The following CDH23 variants were observed in gnomAD, a reference collection of about 807,000 sequenced individuals.
The protein encoded by CDH23 is cadherin related 23, also known as cadherin-23.
CDH23 carries 189 observed loss-of-function variants against 317.1 expected under a neutral mutation model. The observed-to-expected ratio is 0.60, with a 90% CI of 0.53 to 0.67. The LOEUF (loss-of-function observed/expected upper bound fraction) is 0.67, where lower values mean the gene tolerates loss of function less well. Among genes scored for constraint, CDH23 ranks in the 30% least tolerant of loss-of-function variants. The probability of loss-of-function intolerance (pLI) is 0.00; values close to 1 mark genes in which losing one functional copy is unlikely to be tolerated. For missense variants in CDH23, 4,401 were observed against 4,592.4 expected (o/e 0.96, Z 1.20); for synonymous variants, 1,839 against 1,876.8 (o/e 0.98, Z 0.52).
intron 41 of CDH23, among the ~76,000 whole-genome samples, chr10:71,780,327 A>G (rs970880821): frequency 6.6e-6 from 1 of 152,216 alleles, no homozygotes; most frequent in African/African-American, 2.4e-5. Flanking sequence ...ATGACTTAGT[A>G]TACTGGGAGG....
chr10:71,811,971 C>G lies in CDH23; in HGVS notation c.9336C>G (p.Ile3112Met), dbSNP rs1841945407. 1 of 1,596,482 alleles carries G rather than the reference C, an allele frequency of 6.3e-7. No homozygotes were observed. Among genetic ancestry groups the G allele is most frequent in the Non-Finnish European group, 8.6e-7 (1 of 1,169,556 alleles). Residue 3112 changes from isoleucine (I) to methionine (M), a missense_variant, in exon 66 of 70, where the codon ATC (isoleucine) becomes ATG (methionine). Coordinates refer to ENST00000224721, the MANE Select transcript of CDH23 (RefSeq NM_022124.6). ...TCCCTGCAGGGAATCGTGGCTTCAT[C>G]GACATCATGGACATGCCTAACACCA... Reference protein sequence around the residue: ...VAGSAGNRGFIDIMDMPNTNK... With the variant: ...VAGSAGNRGFMDIMDMPNTNK...
intron 38 of CDH23, among the ~76,000 whole-genome samples, chr10:71,774,244 T>A (rs144885887): frequency 3.1e-5 from 1 of 31,866 alleles, no homozygotes; most frequent in Non-Finnish European, 5.3e-5. Flanking sequence ...GCACCCGCCC[T>A]CCCTCCCTGG....
rs750395738 is a variant in CDH23 at position 71,485,108 on chromosome 10, C to A, written c.146-24974C>A. ...GTGGTGCGATCTCGGCTTACGGCAA[C>A]CTCCGCCTCCCAGGTTCAAGTGATT... On this transcript the variant is annotated intron_variant, in intron 3 of 69. Coordinates refer to ENST00000224721, the MANE Select transcript of CDH23 (RefSeq NM_022124.6). 9.0e-4 allele frequency among the ~76,000 whole-genome samples: 136 copies of A among 150,616 alleles called. 1 individual carries two copies. Among genetic ancestry groups the A allele is most frequent in the Admixed American group, 2.5e-3 (37 of 15,096 alleles).
intron 3 of CDH23, among the ~76,000 whole-genome samples, chr10:71,491,876 G>A (rs899033378): frequency 1.3e-5 from 2 of 152,158 alleles, no homozygotes; most frequent in Non-Finnish European, 1.5e-5. Context: ...GACGTTCTGC[G>A]ATTCCCACTG....
intron 3 of CDH23, among the ~76,000 whole-genome samples, chr10:71,450,352 A>G (rs930790809): frequency 7.5e-6 from 1 of 133,022 alleles, no homozygotes; most frequent in Non-Finnish European, 1.6e-5. Context: ...TGCAGCCTCC[A>G]CCTCCCGGGT....
At chr10:71,541,189 G>A (rs939621233) in intron 6 of CDH23, among the ~76,000 whole-genome samples, 8 of 152,088 alleles carry the variant, frequency 5.3e-5, no homozygotes, top group Admixed American at 2.0e-4. Flanking sequence ...CCTCTGGGGC[G>A]GTATTGATTC....
intron 8 of CDH23, among the ~76,000 whole-genome samples, chr10:71,574,605 A>C (rs1249256218): frequency 1.3e-5 from 2 of 152,094 alleles, no homozygotes; most frequent in Non-Finnish European, 2.9e-5. Context: ...CCGTCATGGA[A>C]ATGGGGTAGG....
chr10:71,718,928 A>T (rs1189909885), intron 28 of CDH23, among the ~76,000 whole-genome samples: 3 of 152,000 alleles, frequency 2.0e-5, no homozygotes, highest in African/African-American at 7.3e-5. Context: ...AGGTTTTTTA[A>T]TTAGCCAGGT....
Position 71,810,475 on chromosome 10 carries a change from C to T in CDH23, c.8983C>T (p.His2995Tyr). Residue 2995 changes from histidine to tyrosine, a missense_variant, in exon 62 of 70, where the codon CAT becomes TAT. Coordinates refer to ENST00000224721, the MANE Select transcript of CDH23 (RefSeq NM_022124.6). ...TACAATACCCCTTCTCATCTAGTTC[C>T]ATGTGGACAAGAAGGGCCGGGTGAA... Reference protein sequence around the residue: ...AIVNTDNVQFHVDKKGRVNFA... With the variant: ...AIVNTDNVQFYVDKKGRVNFA... 6.2e-7 allele frequency: 1 copy of T among 1,613,930 alleles called. No individual in the cohort carries two copies. Among genetic ancestry groups the T allele is most frequent in the Non-Finnish European group, 8.5e-7 (1 of 1,179,802 alleles).
chr10:71,800,818 G>A, intron 53 of CDH23, 63 bp downstream of exon 53: 2 of 1,586,692 alleles, frequency 1.3e-6, no homozygotes, highest in Non-Finnish European at 1.7e-6. Context: ...AACAAGCAAA[G>A]CCTCTAGCAA....
At chr10:71,518,074 T>C (rs1688425442) in intron 6 of CDH23, among the ~76,000 whole-genome samples, 1 of 151,106 alleles carries the variant, frequency 6.6e-6, no homozygotes, top group South Asian at 2.1e-4. Context: ...TGTGTGTATG[T>C]GTGTGTGTGT....
rs993209138 is a variant in CDH23, at chr10:71,806,110, T to C, written c.8065-58T>C. ...CCTAGGGGAACTGGCCACCGGGAAGTCCCCAAGCCAATCCCCTCTCCCAGT... is the reference window on the plus strand; with the variant it reads ...CCTAGGGGAACTGGCCACCGGGAAGCCCCCAAGCCAATCCCCTCTCCCAGT... On this transcript the variant is annotated intron_variant, in intron 56 of 69. Coordinates refer to ENST00000224721, the MANE Select transcript of CDH23 (RefSeq NM_022124.6). 10 of 1,529,176 alleles carry C rather than the reference T, an allele frequency of 6.5e-6. No homozygotes were observed. In the African/African-American group the frequency reaches 1.4e-4, roughly 21 times the overall value. 94.7% of individuals were successfully genotyped at this position (1,529,176 alleles called of 1,614,324 possible). A position where few individuals can be genotyped will look rare whatever the true frequency, so the allele number is the denominator to read the frequency against.
At chr10:71,669,422 C>T (rs75256548) in intron 14 of CDH23, among the ~76,000 whole-genome samples, 2,411 of 152,086 alleles carry the variant, frequency 0.016, 68 homozygotes, top group African/African-American at 0.055. Context: ...GTTATTTCTC[C>T]CCTTGGTGAT....
At chr10:71,509,199 C>T (rs762501585) in intron 3 of CDH23, among the ~76,000 whole-genome samples, 9 of 152,204 alleles carry the variant, frequency 5.9e-5, no homozygotes, top group Non-Finnish European at 1.0e-4. Context: ...TCTTCTTAAC[C>T]TCTGTGTACT....
chr10:71,471,599 G>A (rs1273008804), intron 3 of CDH23, among the ~76,000 whole-genome samples: 3 of 152,028 alleles, frequency 2.0e-5, no homozygotes, highest in African/African-American at 4.8e-5. Flanking sequence ...ACCCAGCTGA[G>A]CCCTGGAAGC....
At chr10:71,570,712 G>C (rs1857736667) in intron 7 of CDH23, 78 bp from the exon 8 acceptor site, 2 of 1,229,424 alleles carry the variant, frequency 1.6e-6, no homozygotes, top group South Asian at 1.4e-5. Flanking sequence ...GTGCAGGTCT[G>C]TGTGTGTGTG....
In CDH23 at chr10:71,527,041, C is replaced by T. The variant is rs111936620; in HGVS notation, c.429+15829C>T. ...GGTGCTGGGCTCGTAGGGCAGGACA[C>T]CTGGACTGTGGCACCTTGCAGCCTT... On this transcript the variant is annotated intron_variant, in intron 6 of 69. Coordinates refer to ENST00000224721, the MANE Select transcript of CDH23 (RefSeq NM_022124.6). Among the ~76,000 whole-genome samples the T allele has an allele frequency of 7.7e-3, 1,178 of 152,300 alleles. 9 individuals carry two copies. The highest frequency in any genetic ancestry group is 0.012 in the Non-Finnish European group (831 of 68,018).
At chr10:71,759,829 A>ACACACACACACACG (rs1309238317) in intron 38 of CDH23, among the ~76,000 whole-genome samples, 1,325 of 66,012 alleles carry the variant, frequency 0.02, 293 homozygotes, top group African/African-American at 0.055. Flanking sequence ...ATACACACAC[A>ACACACACACACACG]CACACACACA....
chr10:71,540,307 C>A (rs1052612932), intron 6 of CDH23, among the ~76,000 whole-genome samples: 1 of 152,188 alleles, frequency 6.6e-6, no homozygotes, highest in African/African-American at 2.4e-5. Context: ...GCCTTTCCCC[C>A]TCTCACTAGG....
Sources: allele counts gnomAD v4.1 joint callset (sites outside exome capture counted in the v4.1 genomes callset), GRCh38; gene constraint gnomAD v4.1.1; transcripts MANE v1.5; gene names NCBI Gene and HGNC (gene_info 2026-07-23, HGNC 2026-07-21).